PPP1R42: variants seen among roughly 807,000 people sequenced by gnomAD.
PPP1R42 encodes the protein leucine rich repeat containing 67.
A neutral mutation model predicts 31.0 loss-of-function variants in PPP1R42; 34 were observed. That is an observed-to-expected ratio of 1.10 (90% CI 0.83 to 1.46). The LOEUF is 1.46. Ranked by LOEUF, PPP1R42 falls within the 40% of genes most tolerant of loss-of-function variation. The pLI is 0.00. For synonymous variants in PPP1R42, 103 were observed against 109.8 expected, an observed-to-expected ratio of 0.94 and a Z score of 0.39; for missense variants, 268 against 303.0, an observed-to-expected ratio of 0.88 and a Z score of 0.86.
chr8:66,993,837 GATGA>G (rs140471052), intron 5 of PPP1R42, among the ~76,000 whole-genome samples: 20 of 151,922 alleles, frequency 1.3e-4, no homozygotes, highest in Admixed American at 4.6e-4. Flanking sequence ...ATGTATGAGA[GATGA>G]ATGAATGAAT....
At chr8:67,022,611 G>GA (rs1052200525) in intron 1 of PPP1R42, among the ~76,000 whole-genome samples, 37 of 149,362 alleles carry the variant, frequency 2.5e-4, no homozygotes, top group Non-Finnish European at 4.0e-4. Context: ...CTTAATTTCA[G>GA]AAAAAAAAAG....
At position 67,017,634 on chromosome 8, in the gene PPP1R42, T is replaced by C. The variant is rs542909723; in HGVS notation, c.114A>G (p.Lys38=). The change falls in exon 2 of 8, where the codon AAA becomes AAG. Residue 38 remains lysine (K), a synonymous_variant. Transcript: ENST00000685739. ...AAGTTCTTACAATTGCATCTATATT[T>C]TTGTCTGAAAAATTTATATGAGTTA... The part of the protein sequence containing the change: ...KKITHINFSD[K]NIDAIEDLSL... The C allele has an allele frequency of 4.6e-6, 7 of 1,530,106 alleles. No individual in the cohort carries two copies. The South Asian group carries it at 9.5e-5, about 21-fold the overall frequency. 94.8% of individuals were successfully genotyped at this position (1,530,106 alleles called of 1,614,324 possible).
At chr8:67,018,736 C>G (rs368537575) in intron 1 of PPP1R42, among the ~76,000 whole-genome samples, 2 of 148,442 alleles carry the variant, frequency 1.3e-5, no homozygotes, top group African/African-American at 4.9e-5. Flanking sequence ...TGGTCTTGAA[C>G]TCCTGACCTT....
At chr8:67,001,422 T>C (rs1213071939) in intron 5 of PPP1R42, among the ~76,000 whole-genome samples, 1 of 149,056 alleles carries the variant, frequency 6.7e-6, no homozygotes, top group Non-Finnish European at 1.5e-5. Flanking sequence ...TTTACATTAA[T>C]ATAATTATTA....
intron 2 of PPP1R42, among the ~76,000 whole-genome samples, chr8:67,015,098 A>T (rs546355671): frequency 6.6e-6 from 1 of 152,168 alleles, no homozygotes; most frequent in East Asian, 1.9e-4. Context: ...GGCTCACCAT[A>T]ACCTCCGCCT....
chr8:67,018,413 C>T (rs1476749744), intron 1 of PPP1R42, among the ~76,000 whole-genome samples: 3 of 151,738 alleles, frequency 2.0e-5, no homozygotes, highest in Non-Finnish European at 4.4e-5. Context: ...CCACCGCGCC[C>T]GACCTCTTTT....
chr8:66,972,184 G>A (rs981339500), intron 7 of PPP1R42, among the ~76,000 whole-genome samples: 1 of 152,104 alleles, frequency 6.6e-6, no homozygotes, highest in Non-Finnish European at 1.5e-5. Flanking sequence ...TATTACATAC[G>A]TGTATACAGG....
At position 66,964,226 on chromosome 8, in the gene PPP1R42, C is replaced by T; in HGVS notation, c.*95G>A. 1.2e-6 allele frequency: 1 copy of T among 868,496 alleles called. No homozygotes were observed. Among genetic ancestry groups the T allele is most frequent in the South Asian group, 1.4e-5 (1 of 72,244 alleles). The allele number at this position is 868,496 out of a possible 1,614,324, so 53.8% of individuals were successfully genotyped here. A position where few individuals can be genotyped will look rare whatever the true frequency, so the allele number is the denominator to read the frequency against. ...TTCCTGTCACTTGAGGCTGAATTTA[C>T]TCATTTTCCACAAACAAATTTTCTT... is the stretch of plus-strand genomic sequence containing the variant. On this transcript the variant is annotated 3_prime_UTR_variant, in exon 8 of 8. Coordinates refer to ENST00000685739, the MANE Select transcript of PPP1R42 (RefSeq NM_001364910.1).
At chr8:67,001,149 AT>A (rs905964206) in intron 5 of PPP1R42, among the ~76,000 whole-genome samples, 10 of 148,638 alleles carry the variant, frequency 6.7e-5, no homozygotes, top group Admixed American at 2.0e-4. Flanking sequence ...TTTGCAGTAT[AT>A]TTTTTTCATA....
intron 5 of PPP1R42, among the ~76,000 whole-genome samples, chr8:67,005,240 A>G (rs1479790873): frequency 4.0e-5 from 6 of 151,518 alleles, no homozygotes; most frequent in African/African-American, 1.5e-4. Flanking sequence ...GGCATTCTTT[A>G]AACTCTCCTC....
At chr8:67,020,777 A>G (rs1816190012) in intron 1 of PPP1R42, among the ~76,000 whole-genome samples, 1 of 152,208 alleles carries the variant, frequency 6.6e-6, no homozygotes, top group African/African-American at 2.4e-5. Context: ...CCAGAAATAT[A>G]TCAGGACTGT....
At chr8:66,971,318 A>T (rs2130912603) in intron 7 of PPP1R42, among the ~76,000 whole-genome samples, 1 of 152,328 alleles carries the variant, frequency 6.6e-6, no homozygotes, top group African/African-American at 2.4e-5. Flanking sequence ...ATATACAAAA[A>T]CCTATACAGG....
intron 5 of PPP1R42, among the ~76,000 whole-genome samples, chr8:66,998,133 A>G (rs2130943822): frequency 1.3e-5 from 2 of 152,326 alleles, no homozygotes; most frequent in South Asian, 4.1e-4. Flanking sequence ...AAAACCAGAA[A>G]AAAAGTCTAT....
At chr8:67,027,189 C>T (rs1816431597) in intron 1 of PPP1R42, among the ~76,000 whole-genome samples, 2 of 152,138 alleles carry the variant, frequency 1.3e-5, no homozygotes, top group South Asian at 4.1e-4. Flanking sequence ...GTGTGAGCCA[C>T]CATGCCCAGC....
chr8:66,992,705 G>A (rs979078180), intron 5 of PPP1R42, among the ~76,000 whole-genome samples: 6 of 152,136 alleles, frequency 3.9e-5, no homozygotes, highest in Admixed American at 2.0e-4. Flanking sequence ...TTTGCCTCCC[G>A]TAACCCATTG....
chr8:66,999,984 T>C (rs73691183), intron 5 of PPP1R42, among the ~76,000 whole-genome samples: 12,627 of 152,208 alleles, frequency 0.083, 1,070 homozygotes, highest in African/African-American at 0.22. Flanking sequence ...TTCTCTGTTT[T>C]CTTGAACAGC....
intron 1 of PPP1R42, among the ~76,000 whole-genome samples, chr8:67,020,187 T>G (rs1438335352): frequency 1.3e-5 from 2 of 149,442 alleles, no homozygotes; most frequent in African/African-American, 5.1e-5. Flanking sequence ...TTTGTTGTGT[T>G]TTGTTTTTGT....
At chr8:67,024,528 T>G (rs1294235409) in intron 1 of PPP1R42, among the ~76,000 whole-genome samples, 3 of 150,154 alleles carry the variant, frequency 2.0e-5, no homozygotes, top group Admixed American at 2.0e-4. Context: ...CAGGCTGGAG[T>G]GCAGTGGTGC....
At chr8:66,980,434 C>T (rs1186764486) in intron 7 of PPP1R42, among the ~76,000 whole-genome samples, 1 of 151,880 alleles carries the variant, frequency 6.6e-6, no homozygotes, top group African/African-American at 2.4e-5. Context: ...TCACTGTGTT[C>T]CCCAAGCTGA....
Sources: gnomAD v4.1 joint callset for allele counts (sites outside exome capture counted in the v4.1 genomes callset) on GRCh38, gnomAD v4.1.1 for gene constraint, MANE v1.5 for transcripts, NCBI Gene and HGNC (gene_info 2026-07-23, HGNC 2026-07-21) for gene names.